The following CRB1 variants were observed in gnomAD, a reference collection of about 807,000 sequenced individuals.
CRB1 encodes the protein protein crumbs homolog 1.
In CRB1, 83 loss-of-function variants were observed where a neutral mutation model predicts 120.0. That is an observed-to-expected ratio of 0.69 (90% confidence interval 0.58 to 0.83). The LOEUF is 0.83. Ranked by LOEUF, CRB1 falls within the 40% of genes least tolerant of loss-of-function variation. The pLI, the probability that CRB1 is intolerant of heterozygous loss-of-function variation, is 0.00. For synonymous variants in CRB1, 625 were observed against 612.5 expected (o/e 1.02, Z -0.30); for missense variants, 1,699 against 1,687.6 (o/e 1.01, Z -0.12).
the CRB1 span, among the ~76,000 whole-genome samples, chr1:197,229,242 G>A: frequency 2.0e-5 from 3 of 152,212 alleles, no homozygotes; most frequent in East Asian, 1.9e-4. Flanking sequence ...GACAGGCACT[G>A]TGGTGTACTC....
chr1:197,441,517 T>G (rs954831491), intron 10 of CRB1: 1 of 152,208 alleles, frequency 6.6e-6, no homozygotes, highest in African/African-American at 2.4e-5. Context: ...TGCTTGGCTA[T>G]TGGAACACAG....
chr1:197,312,718 C>T (rs976845389), intron 1 of CRB1, among the ~76,000 whole-genome samples: 8 of 152,126 alleles, frequency 5.3e-5, no homozygotes, highest in Admixed American at 2.0e-4. Context: ...GTGTTTTTTA[C>T]ACATAGCAAC....
At chr1:197,254,341 T>G in the CRB1 span, among the ~76,000 whole-genome samples, 6 of 151,996 alleles carry the variant, frequency 3.9e-5, no homozygotes, top group African/African-American at 1.2e-4. Flanking sequence ...TATAGCAAGA[T>G]ACAAGAAAAA....
At chr1:197,368,299 A>G (rs1369617179) in intron 5 of CRB1, among the ~76,000 whole-genome samples, 1 of 152,184 alleles carries the variant, frequency 6.6e-6, no homozygotes, top group Non-Finnish European at 1.5e-5. Context: ...CTGTAACTCT[A>G]AAAGATGAAA....
At chr1:197,228,093 C>T in the CRB1 span, among the ~76,000 whole-genome samples, 1 of 152,168 alleles carries the variant, frequency 6.6e-6, no homozygotes, top group Non-Finnish European at 1.5e-5. Flanking sequence ...TTCTTTCCTC[C>T]TAGGCTTCTG....
intron 11 of CRB1, chr1:197,477,457 G>T (rs890666254): frequency 3.0e-6 from 2 of 672,642 alleles, no homozygotes; most frequent in African/African-American, 3.6e-5. Flanking sequence ...TTTTCTGACT[G>T]TAGACTTTAG....
intron 6 of CRB1, among the ~76,000 whole-genome samples, chr1:197,426,916 C>G (rs1171975857): frequency 6.6e-6 from 1 of 152,132 alleles, no homozygotes; most frequent in Admixed American, 6.5e-5. Context: ...AATAGCAGAC[C>G]TGGGACAAAT....
chr1:197,403,817 A>G (rs531222608), intron 5 of CRB1, among the ~76,000 whole-genome samples: 79 of 152,090 alleles, frequency 5.2e-4, no homozygotes, highest in Non-Finnish European at 9.9e-4. Context: ...TCTTCCCCAC[A>G]TCTCCTTAGC....
At chr1:197,427,213 T>C (rs1664627641) in intron 6 of CRB1, among the ~76,000 whole-genome samples, 1 of 152,178 alleles carries the variant, frequency 6.6e-6, no homozygotes, top group South Asian at 2.1e-4. Flanking sequence ...GCCTGAAGTG[T>C]AAACTACAAA....
the CRB1 span, chr1:197,223,165 GATT>G: frequency 0.014 from 14,783 of 1,058,498 alleles, 1,367 homozygotes; most frequent in African/African-American, 0.2. Context: ...CCCTGGCTGT[GATT>G]ATCACTTCTT....
chr1:197,253,907 T>C, the CRB1 span, among the ~76,000 whole-genome samples: 1 of 152,064 alleles, frequency 6.6e-6, no homozygotes, highest in South Asian at 2.1e-4. Flanking sequence ...CTAGATCTGA[T>C]ATTTTGAGAG....
At chr1:197,410,581 C>G (rs1418518410) in intron 5 of CRB1, among the ~76,000 whole-genome samples, 2 of 152,160 alleles carry the variant, frequency 1.3e-5, no homozygotes, top group South Asian at 4.1e-4. Flanking sequence ...TTATTAGTGG[C>G]CTTCTAAAGA....
chr1:197,314,608 G>A (rs1657737120), intron 1 of CRB1, among the ~76,000 whole-genome samples: 1 of 152,094 alleles, frequency 6.6e-6, no homozygotes, highest in African/African-American at 2.4e-5. Flanking sequence ...TAAAAGATTT[G>A]GAATTTTGTT....
Position 197,477,798 on chromosome 1 carries a change from C to A in CRB1, c.4140C>A (p.Ser1380Arg), listed in dbSNP as rs1667264307. 17 of 1,613,876 alleles carry A rather than the reference C, an allele frequency of 1.1e-5. No individual in the cohort carries two copies. Among genetic ancestry groups the A allele is most frequent in the Non-Finnish European group, 1.4e-5 (17 of 1,179,882 alleles). The stretch of plus-strand genomic sequence containing the variant: ...AAAGGGCAACTCAGGGAACCTACAG[C>A]CCCAGCCGTCAGGAGAAGGAGGGCT... ...SNKRATQGTYSPSRQEKEGSR... is the reference protein window; with the variant it reads ...SNKRATQGTYRPSRQEKEGSR... The change falls in exon 12 of 12, where the codon AGC (serine) becomes AGA (arginine). Residue 1380 changes from serine (S) to arginine (R), a missense_variant. Ser to Arg is a moderately radical substitution (Grantham distance 110). Transcript: ENST00000367400.
At chr1:197,297,395 A>G (rs1656592840) in intron 1 of CRB1, among the ~76,000 whole-genome samples, 1 of 152,076 alleles carries the variant, frequency 6.6e-6, no homozygotes, top group African/African-American at 2.4e-5. Context: ...AAAGATGAGG[A>G]AGGATCCACG....
chr1:197,363,968 G>A (rs1047109994), intron 5 of CRB1: 9 of 1,351,180 alleles, frequency 6.7e-6, no homozygotes, highest in Admixed American at 3.4e-5. Context: ...CCATGCGGCC[G>A]GCGACAGAGG....
At chr1:197,370,703 C>T (rs998323973) in intron 5 of CRB1, among the ~76,000 whole-genome samples, 4 of 152,302 alleles carry the variant, frequency 2.6e-5, no homozygotes, top group East Asian at 1.9e-4. Flanking sequence ...TAAATGCCTA[C>T]ATCAAAAACC....
chr1:197,202,320 A>G, the CRB1 span, among the ~76,000 whole-genome samples: 1 of 152,196 alleles, frequency 6.6e-6, no homozygotes, highest in African/African-American at 2.4e-5. Context: ...CCTTTCATGA[A>G]AATTCCTAGC....
chr1:197,260,323 C>A, the CRB1 span, among the ~76,000 whole-genome samples: 1 of 151,898 alleles, frequency 6.6e-6, no homozygotes, highest in Non-Finnish European at 1.5e-5. Flanking sequence ...ATTGGCTATC[C>A]ATCTGGAAAT....
Sources: allele counts gnomAD v4.1 joint callset (sites outside exome capture counted in the v4.1 genomes callset), GRCh38; gene constraint gnomAD v4.1.1; transcripts MANE v1.5; gene names NCBI Gene and HGNC (gene_info 2026-07-23, HGNC 2026-07-21).